Variants in MAPK8 observed in about 807,000 individuals in gnomAD.
MAPK8 encodes the protein mitogen-activated protein kinase 8.
MAPK8 carries 13 observed loss-of-function variants against 52.9 expected under a neutral mutation model. That is an observed-to-expected ratio of 0.25 (90% CI 0.16 to 0.39). The LOEUF is 0.39. MAPK8 is among the 10% of genes least tolerant of loss of function. The pLI, the probability that MAPK8 is intolerant of heterozygous loss-of-function variation, is 1.00. For missense variants in MAPK8, 300 were observed against 519.2 expected, an observed-to-expected ratio of 0.58 and a Z score of 4.10; for synonymous variants, 191 against 169.8, an observed-to-expected ratio of 1.12 and a Z score of -0.97.
At chr10:48,326,812 C>T (rs1052774893) in intron 1 of MAPK8, among the ~76,000 whole-genome samples, 1 of 152,134 alleles carries the variant, frequency 6.6e-6, no homozygotes, top group African/African-American at 2.4e-5. Flanking sequence ...CCTCCAATAG[C>T]GGGAAACCTG....
intron 1 of MAPK8, among the ~76,000 whole-genome samples, chr10:48,337,535 A>G (rs1844813371): frequency 6.6e-6 from 1 of 152,132 alleles, no homozygotes; most frequent in Admixed American, 6.6e-5. Context: ...CATTGCCCCT[A>G]AAGGAACTAG....
rs985505967 is a variant in MAPK8 at position 48,334,977 on chromosome 10, C to T, written c.-50+28156C>T. Among the ~76,000 whole-genome samples the T allele has an allele frequency of 3.3e-5, 5 of 152,084 alleles. No homozygotes were observed. The South Asian group carries it at 1.0e-3, about 32-fold the overall frequency. On this transcript the variant is annotated intron_variant, in intron 1 of 11. Coordinates refer to ENST00000374189, the MANE Select transcript of MAPK8 (RefSeq NM_001323329.2). ...CATTATCCCCCTTATAAGGTTATAC[C>T]CCAGTCCCCTTCCTCACTTAAGTTT...
chr10:48,427,744 G>A (rs889450784), intron 10 of MAPK8, among the ~76,000 whole-genome samples: 3 of 152,078 alleles, frequency 2.0e-5, no homozygotes, highest in Non-Finnish European at 4.4e-5. Context: ...CACCCGCCTC[G>A]GCCTCCCAAA....
At chr10:48,384,439 C>T (rs142775733) in intron 1 of MAPK8, among the ~76,000 whole-genome samples, 1 of 152,256 alleles carries the variant, frequency 6.6e-6, no homozygotes, top group Non-Finnish European at 1.5e-5. Context: ...TGACAGAAAG[C>T]TGTATTTTGG....
intron 3 of MAPK8, among the ~76,000 whole-genome samples, chr10:48,407,007 A>C (rs1452471225): frequency 1.3e-5 from 2 of 152,090 alleles, no homozygotes; most frequent in Non-Finnish European, 2.9e-5. Context: ...CATCTCACCC[A>C]GTCTTTATAT....
At chr10:48,326,430 C>G (rs903783514) in intron 1 of MAPK8, among the ~76,000 whole-genome samples, 1 of 152,102 alleles carries the variant, frequency 6.6e-6, no homozygotes, top group Non-Finnish European at 1.5e-5. Context: ...GCAGGATACT[C>G]CCAGCTCATC....
At chr10:48,316,337 C>T (rs1262875676) in intron 1 of MAPK8, among the ~76,000 whole-genome samples, 1 of 152,208 alleles carries the variant, frequency 6.6e-6, no homozygotes, top group East Asian at 1.9e-4. Flanking sequence ...CAGTAGGCTA[C>T]ACCATATTAT....
chr10:48,436,467 C>A lies in MAPK8; in HGVS notation c.*1438C>A, dbSNP rs933976334. 3.9e-5 allele frequency: 6 copies of A among 152,088 alleles called. No homozygotes were observed. The highest frequency in any genetic ancestry group is 1.4e-4 in the African/African-American group (6 of 41,398). The allele number at this position is 152,088 out of a possible 1,614,324, so 9.4% of individuals were successfully genotyped here. A position where few individuals can be genotyped will look rare whatever the true frequency, so the allele number is the denominator to read the frequency against. On this transcript the variant is annotated 3_prime_UTR_variant, in exon 12 of 12. Coordinates refer to ENST00000374189, the MANE Select transcript of MAPK8 (RefSeq NM_001323329.2). ...ACGTTGTCTGTAATAGACCCAGGCA[C>A]CTTTTAAATTATCTCTGGAACAAGA... is the stretch of plus-strand genomic sequence containing the variant.
At chr10:48,336,297 A>G (rs184950427) in intron 1 of MAPK8, among the ~76,000 whole-genome samples, 1 of 152,318 alleles carries the variant, frequency 6.6e-6, no homozygotes, top group East Asian at 1.9e-4. Context: ...GATGAAATGG[A>G]ACACTCTTTT....
intron 1 of MAPK8, among the ~76,000 whole-genome samples, chr10:48,310,900 C>G (rs1841920026): frequency 6.6e-6 from 1 of 152,046 alleles, no homozygotes. Context: ...TATTATATTT[C>G]AGATTTAGTT....
At chr10:48,410,370 A>T in intron 5 of MAPK8, 1 of 398,128 alleles carries the variant, frequency 2.5e-6, no homozygotes, top group Non-Finnish European at 4.4e-6. Flanking sequence ...TTGCCCTGGC[A>T]TGATACCAGT....
intron 1 of MAPK8, among the ~76,000 whole-genome samples, chr10:48,382,332 A>G (rs1383109891): frequency 1.3e-5 from 2 of 152,240 alleles, no homozygotes; most frequent in African/African-American, 4.8e-5. Context: ...CTCAAAGATT[A>G]CTAAAATCAC....
At position 48,421,578 on chromosome 10, in the gene MAPK8, G is replaced by A. The variant is rs139101659; in HGVS notation, c.616+1258G>A. On this transcript the variant is annotated intron_variant, in intron 6 of 11. Coordinates refer to ENST00000374189, the MANE Select transcript of MAPK8 (RefSeq NM_001323329.2). ...CCAGCACTTTGGGAGGCCGAGGCTCGTGGATCACTCGAGGCTAGGAGTTCT... is the reference window on the plus strand; with the variant it reads ...CCAGCACTTTGGGAGGCCGAGGCTCATGGATCACTCGAGGCTAGGAGTTCT... Among the ~76,000 whole-genome samples the A allele has an allele frequency of 4.6e-4, 70 of 152,258 alleles. 1 individual carries two copies. The East Asian group carries it at 9.7e-3, about 21-fold the overall frequency.
intron 1 of MAPK8, among the ~76,000 whole-genome samples, chr10:48,338,002 G>A (rs555893317): frequency 6.6e-6 from 1 of 151,974 alleles, no homozygotes; most frequent in East Asian, 1.9e-4. Flanking sequence ...TTCATAGCCA[G>A]ATTTTACTAG....
At chr10:48,418,801 TAAC>T (rs1465943685) in intron 5 of MAPK8, among the ~76,000 whole-genome samples, 1 of 152,198 alleles carries the variant, frequency 6.6e-6, no homozygotes, top group Non-Finnish European at 1.5e-5. Context: ...TTTTTTTGCT[TAAC>T]AAAAATATCT....
chr10:48,358,942 T>C (rs1287430987), intron 1 of MAPK8, among the ~76,000 whole-genome samples: 2 of 152,242 alleles, frequency 1.3e-5, no homozygotes, highest in African/African-American at 4.8e-5. Flanking sequence ...CGGGACTTTC[T>C]GTTCTATTCC....
At chr10:48,356,974 A>G (rs573284634) in intron 1 of MAPK8, among the ~76,000 whole-genome samples, 1 of 151,788 alleles carries the variant, frequency 6.6e-6, no homozygotes, top group Non-Finnish European at 1.5e-5. Flanking sequence ...GCAAATACTA[A>G]TATAGGTTTT....
intron 1 of MAPK8, among the ~76,000 whole-genome samples, chr10:48,325,512 T>G (rs1323359717): frequency 6.6e-6 from 1 of 152,260 alleles, no homozygotes; most frequent in East Asian, 1.9e-4. Context: ...TCAGTCATTC[T>G]TTTTAAAATA....
Position 48,425,897 on chromosome 10 carries a change from A to G in MAPK8, c.698A>G (p.Gln233Arg). 1.3e-6 allele frequency: 2 copies of G among 1,597,294 alleles called. No homozygotes were observed. The highest frequency in any genetic ancestry group is 1.7e-6 in the Non-Finnish European group (2 of 1,170,164). The change falls in exon 8 of 12, where the codon CAG (glutamine) becomes CGG (arginine). Residue 233 changes from glutamine (Q) to arginine (R), a missense_variant. Physicochemically the swap from Gln to Arg is conservative, Grantham distance 43 (BLOSUM62 1). Around this residue, in one of 3 missense-constraint regions of MAPK8, gnomAD observed 147 missense variants for 328.1 expected, o/e 0.45. Transcript: ENST00000374189. ...ILFPGRDYID[Q>R]WNKVIEQLGT... ...AGCTACTTGATATTAGATATTGATC[A>G]GTGGAATAAAGTTATTGAACAGCTT...
Sources: allele counts gnomAD v4.1 joint callset (sites outside exome capture counted in the v4.1 genomes callset), GRCh38; gene constraint gnomAD v4.1.1; regional missense constraint gnomAD v4.1.1; transcripts MANE v1.5; gene names NCBI Gene and HGNC (gene_info 2026-07-23, HGNC 2026-07-21).